MARK3: variants seen among roughly 807,000 people sequenced by gnomAD.
MARK3 encodes the protein microtubule affinity regulating kinase 3.
A neutral mutation model predicts 90.1 loss-of-function variants in MARK3; 46 were observed. The ratio of observed to expected loss-of-function variants is 0.51; its 90% CI spans 0.40 to 0.65. The LOEUF (loss-of-function observed/expected upper bound fraction) is 0.65, where lower values mean the gene tolerates loss of function less well. Among genes scored for constraint, MARK3 ranks in the 30% least tolerant of loss-of-function variants. The probability of loss-of-function intolerance (pLI) is 0.00; values close to 1 mark genes in which losing one functional copy is unlikely to be tolerated. For synonymous variants in MARK3, 321 were observed against 332.6 expected (o/e 0.97, Z 0.38); for missense variants, 818 against 947.2 (o/e 0.86, Z 1.79).
chr14:103,458,507 T>C (rs1352226035), intron 6 of MARK3, among the ~76,000 whole-genome samples: 2 of 124,562 alleles, frequency 1.6e-5, no homozygotes, highest in African/African-American at 5.8e-5. Context: ...ACCAAATGAA[T>C]GAACGTGACT....
chr14:103,415,728 T>C (rs958647714), intron 2 of MARK3, among the ~76,000 whole-genome samples: 1 of 152,220 alleles, frequency 6.6e-6, no homozygotes, highest in Non-Finnish European at 1.5e-5. Context: ...ATTGGAGTTA[T>C]TTATTGTTTA....
At chr14:103,386,154 CG>C (rs1271147763) in intron 1 of MARK3, 74 bp downstream of exon 1, 21 of 1,390,048 alleles carry the variant, frequency 1.5e-5, no homozygotes, top group Non-Finnish European at 2.0e-5. Flanking sequence ...GCCTTGCAGT[CG>C]GGTGTTCCCC....
intron 3 of MARK3, among the ~76,000 whole-genome samples, chr14:103,443,209 T>C (rs1253968154): frequency 6.6e-6 from 1 of 152,076 alleles, no homozygotes; most frequent in East Asian, 1.9e-4. Flanking sequence ...ACAACAGAAG[T>C]TGAGAAAGTA....
chr14:103,485,162 A>AGAGGTTGCGGTGAGCC (rs1232241277), intron 14 of MARK3, among the ~76,000 whole-genome samples: 8 of 147,706 alleles, frequency 5.4e-5, no homozygotes, highest in Non-Finnish European at 1.2e-4. Flanking sequence ...CCCAGGAGGC[A>AGAGGTTGCGGTGAGCC]GAGGTTGCGG....
intron 2 of MARK3, among the ~76,000 whole-genome samples, chr14:103,416,265 T>C (rs898570175): frequency 6.6e-6 from 1 of 152,228 alleles, no homozygotes; most frequent in Non-Finnish European, 1.5e-5. Flanking sequence ...GGTAGCTCTT[T>C]CTAGGCACAG....
At chr14:103,420,901 C>CT (rs954799703) in intron 2 of MARK3, among the ~76,000 whole-genome samples, 45 of 151,600 alleles carry the variant, frequency 3.0e-4, no homozygotes, top group Non-Finnish European at 5.2e-4. Context: ...TATTTAATGC[C>CT]TTTTTTTTCA....
At chr14:103,419,101 A>C (rs2092091592) in intron 2 of MARK3, among the ~76,000 whole-genome samples, 2 of 152,172 alleles carry the variant, frequency 1.3e-5, no homozygotes, top group Non-Finnish European at 2.9e-5. Flanking sequence ...ATCCTGGCTA[A>C]CATGGTGAAA....
chr14:103,470,749 G>A (rs8012623), intron 12 of MARK3, among the ~76,000 whole-genome samples: 42,897 of 151,706 alleles, frequency 0.28, 7,223 homozygotes, highest in Non-Finnish European at 0.36. Context: ...GAGTCACTGC[G>A]CTCGGCCTCA....
intron 1 of MARK3, among the ~76,000 whole-genome samples, chr14:103,403,015 G>A (rs555512014): frequency 5.9e-5 from 9 of 151,856 alleles, no homozygotes; most frequent in African/African-American, 2.2e-4. Context: ...TTGGAGCAAT[G>A]TTACATCCCT....
rs184280901 is a variant in MARK3 at position 103,435,204 on chromosome 14, A to C, written c.297+6764A>C. Among the ~76,000 whole-genome samples the C allele has an allele frequency of 1.4e-3, 215 of 152,044 alleles. 1 individual carries two copies. The highest frequency in any genetic ancestry group is 2.1e-3 in the Non-Finnish European group (146 of 67,998). ...AGTTTTCTTAAGCCAGTACTTTTCAACCCTTCTTGTGCATTAGAAACATTT... is the reference window on the plus strand; with the variant it reads ...AGTTTTCTTAAGCCAGTACTTTTCACCCCTTCTTGTGCATTAGAAACATTT... On this transcript the variant is annotated intron_variant, in intron 3 of 17. Coordinates refer to ENST00000429436, the MANE Select transcript of MARK3 (RefSeq NM_001128918.3).
intron 2 of MARK3, among the ~76,000 whole-genome samples, chr14:103,422,816 A>G (rs1045649171): frequency 2.9e-4 from 44 of 152,174 alleles, no homozygotes; most frequent in African/African-American, 1.0e-3. Flanking sequence ...TTTGTAACCA[A>G]CTGTTGTAGT....
At chr14:103,430,739 A>G (rs1041117378) in intron 3 of MARK3, among the ~76,000 whole-genome samples, 1 of 152,240 alleles carries the variant, frequency 6.6e-6, no homozygotes, top group Non-Finnish European at 1.5e-5. Context: ...AAATGCACAT[A>G]TAAGTAAACC....
At chr14:103,445,178 A>G (rs1228943550) in intron 3 of MARK3, among the ~76,000 whole-genome samples, 3 of 152,068 alleles carry the variant, frequency 2.0e-5, no homozygotes, top group African/African-American at 7.2e-5. Context: ...GCTCCAGCAT[A>G]TATTAGCTGA....
chr14:103,440,904 C>G (rs1433865832), intron 3 of MARK3, among the ~76,000 whole-genome samples: 2 of 147,870 alleles, frequency 1.4e-5, no homozygotes, highest in Non-Finnish European at 3.0e-5. Context: ...CCACTGCACT[C>G]CAGCCAGGGT....
At chr14:103,498,180 G>A (rs528734198) in intron 15 of MARK3, among the ~76,000 whole-genome samples, 293 of 150,560 alleles carry the variant, frequency 1.9e-3, no homozygotes, top group Non-Finnish European at 2.9e-3. Context: ...TTGCACCACT[G>A]CACTGTGACA....
chr14:103,386,419 C>T, intron 1 of MARK3: 1 of 608,320 alleles, frequency 1.6e-6, no homozygotes, highest in Non-Finnish European at 3.1e-6. Flanking sequence ...GTGGTCAGTG[C>T]TTATTTTAGC....
At chr14:103,463,739 A>C (rs1249287875) in intron 7 of MARK3, among the ~76,000 whole-genome samples, 2 of 152,112 alleles carry the variant, frequency 1.3e-5, no homozygotes, top group Admixed American at 6.6e-5. Flanking sequence ...TGTTTTCTAC[A>C]CTGCACCCAA....
chr14:103,499,939 C>A, intron 16 of MARK3: 1 of 574,532 alleles, frequency 1.7e-6, no homozygotes, highest in Non-Finnish European at 3.2e-6. Context: ...CAGCATGGAG[C>A]TGGCCCCTGT....
At chr14:103,397,250 A>G (rs1011331455) in intron 1 of MARK3, among the ~76,000 whole-genome samples, 5 of 151,688 alleles carry the variant, frequency 3.3e-5, no homozygotes, top group African/African-American at 1.2e-4. Flanking sequence ...AAGGTTTGAC[A>G]CCACACTTTT....
Sources: allele counts gnomAD v4.1 joint callset (sites outside exome capture counted in the v4.1 genomes callset), GRCh38; gene constraint gnomAD v4.1.1; transcripts MANE v1.5; gene names NCBI Gene and HGNC (gene_info 2026-07-23, HGNC 2026-07-21).